Variants in FBLN5 observed in about 807,000 individuals in gnomAD.
The protein encoded by FBLN5 is fibulin 5, also known as fibulin-5.
Under a neutral mutation model 61.6 loss-of-function variants are expected in FBLN5, and 24 were observed. The ratio of observed to expected loss-of-function variants is 0.39; its 90% CI spans 0.28 to 0.55. FBLN5 has a LOEUF of 0.55. FBLN5 is among the 20% of genes least tolerant of loss of function. FBLN5 has a pLI of 0.65. For synonymous variants in FBLN5, 213 were observed against 219.8 expected, an observed-to-expected ratio of 0.97 and a Z score of 0.27; for missense variants, 470 against 594.1, an observed-to-expected ratio of 0.79 and a Z score of 2.17.
At chr14:91,945,087 CGACTG>C (rs1278679474) in intron 1 of FBLN5, among the ~76,000 whole-genome samples, 11 of 151,980 alleles carry the variant, frequency 7.2e-5, no homozygotes, top group Non-Finnish European at 1.6e-4. Flanking sequence ...AAAAATTAGC[CGACTG>C]TGGTGGCAGG....
intron 4 of FBLN5, among the ~76,000 whole-genome samples, chr14:91,896,503 G>A (rs1890232875): frequency 6.6e-6 from 1 of 152,196 alleles, no homozygotes; most frequent in Admixed American, 6.5e-5. Context: ...CTGAGCCTGT[G>A]TTATGTGCCT....
At chr14:91,924,551 A>C (rs2055793895) in intron 4 of FBLN5, among the ~76,000 whole-genome samples, 1 of 152,016 alleles carries the variant, frequency 6.6e-6, no homozygotes, top group South Asian at 2.1e-4. Flanking sequence ...AGCTGGTAGC[A>C]CACACCTGTA....
At chr14:91,925,504 G>C (rs2055812688) in intron 4 of FBLN5, among the ~76,000 whole-genome samples, 1 of 152,220 alleles carries the variant, frequency 6.6e-6, no homozygotes, top group African/African-American at 2.4e-5. Context: ...CTGGGCTCCA[G>C]GGGGTGCCAG....
chr14:91,895,796 T>TC (rs1890199212), intron 4 of FBLN5, among the ~76,000 whole-genome samples: 2 of 32,724 alleles, frequency 6.1e-5, no homozygotes, highest in Admixed American at 4.1e-4. Flanking sequence ...AGACCCTGTC[T>TC]CAAAAAAAAA....
rs775989591 is a variant in FBLN5, at chr14:91,891,332, C to T, written c.508G>A (p.Asp170Asn). Residue 170 changes from aspartate (D) to asparagine (N), a missense_variant, in exon 6 of 11, where the codon GAT becomes AAT. Transcript: ENST00000342058. ...TGGCAGTAACCATAGCGACATTCAT[C>T]AATGTCTGGAAACAGAAATGCAAGC... ...WLLEGQCLDI[D>N]ECRYGYCQQL... 3.1e-6 allele frequency: 5 copies of T among 1,606,492 alleles called. No individual in the cohort carries two copies. The Admixed American group carries it at 8.3e-5, about 27-fold the overall frequency.
intron 4 of FBLN5, among the ~76,000 whole-genome samples, chr14:91,916,494 G>A (rs2140016169): frequency 6.6e-6 from 1 of 152,286 alleles, no homozygotes; most frequent in South Asian, 2.1e-4. Context: ...CATTTCTTCA[G>A]ATGTTCTGTA....
At chr14:91,945,223 C>T (rs997484070) in intron 1 of FBLN5, among the ~76,000 whole-genome samples, 4 of 146,434 alleles carry the variant, frequency 2.7e-5, no homozygotes, top group Non-Finnish European at 4.5e-5. Flanking sequence ...AGCGAGACTC[C>T]GTCTCAAAAA....
rs2056189705 is a variant in FBLN5, at chr14:91,946,689, G to T, written c.17+524C>A. The T allele has an allele frequency of 2.6e-6, 4 of 1,522,500 alleles. No homozygotes were observed. The East Asian group carries it at 9.8e-5, about 37-fold the overall frequency. 94.3% of individuals were successfully genotyped at this position (1,522,500 alleles called of 1,614,324 possible). ...TAACTGTAATTGCAATTTCCTTAAA[G>T]AATAGCAAAACATTTGCTTACATGT... On this transcript the variant is annotated intron_variant, in intron 1 of 10. Transcript: ENST00000342058.
intron 4 of FBLN5, among the ~76,000 whole-genome samples, chr14:91,912,341 A>G (rs1174938752): frequency 6.6e-6 from 1 of 152,142 alleles, no homozygotes; most frequent in African/African-American, 2.4e-5. Context: ...TACAAAAAAT[A>G]AAAAATAGAA....
At chr14:91,870,424 T>C (rs771947550) in intron 10 of FBLN5, 39 bp from the exon 11 acceptor site, 1 of 1,609,606 alleles carries the variant, frequency 6.2e-7, no homozygotes, top group South Asian at 1.1e-5. Context: ...AGAAAAGGCC[T>C]GCATGGTGGC....
intron 6 of FBLN5, among the ~76,000 whole-genome samples, chr14:91,888,030 G>A (rs1290613777): frequency 6.6e-6 from 1 of 152,204 alleles, no homozygotes; most frequent in South Asian, 2.1e-4. Context: ...CAGGCATAGT[G>A]GCTCATGCCT....
chr14:91,876,331 A>G (rs1889160599), intron 10 of FBLN5, among the ~76,000 whole-genome samples: 1 of 152,174 alleles, frequency 6.6e-6, no homozygotes, highest in African/African-American at 2.4e-5. Flanking sequence ...GACCTTTTCA[A>G]TATGGCTCCC....
In FBLN5 at chr14:91,887,071, T is replaced by C. The variant is rs766039168; in HGVS notation, c.739+122A>G. 81 of 1,058,830 alleles carry C rather than the reference T, an allele frequency of 7.6e-5. No homozygotes were observed. The Middle Eastern group carries it at 9.5e-4, about 12-fold the overall frequency. The allele number at this position is 1,058,830 out of a possible 1,614,324, so 65.6% of individuals were successfully genotyped here. A position where few individuals can be genotyped will look rare whatever the true frequency, so the allele number is the denominator to read the frequency against. ...ATTCTGACCCCACTGCCCTGGAGGA[T>C]GTCCCAAACTGGACATGTGTCCAGG... is the stretch of plus-strand genomic sequence containing the variant. On this transcript the variant is annotated intron_variant, in intron 7 of 10. Coordinates refer to ENST00000342058, the MANE Select transcript of FBLN5 (RefSeq NM_006329.4).
At chr14:91,905,580 GC>G (rs1890649250) in intron 4 of FBLN5, among the ~76,000 whole-genome samples, 1 of 87,428 alleles carries the variant, frequency 1.1e-5, no homozygotes. Context: ...AAGAATATGA[GC>G]TTTTTTTTTT....
At chr14:91,911,071 C>T (rs1317849829) in intron 4 of FBLN5, among the ~76,000 whole-genome samples, 1 of 152,064 alleles carries the variant, frequency 6.6e-6, no homozygotes, top group East Asian at 1.9e-4. Flanking sequence ...GCAACCTCCA[C>T]CTCCTGGGTT....
intron 7 of FBLN5, among the ~76,000 whole-genome samples, chr14:91,886,607 C>A (rs145971780): frequency 1.3e-5 from 2 of 152,170 alleles, no homozygotes; most frequent in Non-Finnish European, 2.9e-5. Context: ...CAAATTATTA[C>A]GATTTCATTC....
chr14:91,946,362 C>A (rs1466548084), intron 1 of FBLN5, among the ~76,000 whole-genome samples: 1 of 152,064 alleles, frequency 6.6e-6, no homozygotes, highest in Non-Finnish European at 1.5e-5. Flanking sequence ...TGCTCATAAC[C>A]GGTCCTGGGA....
intron 4 of FBLN5, among the ~76,000 whole-genome samples, chr14:91,906,917 C>A (rs1435915800): frequency 6.6e-6 from 1 of 152,224 alleles, no homozygotes. Context: ...TGTCTGTTTA[C>A]AGTCTAGTTG....
At chr14:91,918,396 G>A (rs1254797337) in intron 4 of FBLN5, among the ~76,000 whole-genome samples, 1 of 152,186 alleles carries the variant, frequency 6.6e-6, no homozygotes, top group Non-Finnish European at 1.5e-5. Flanking sequence ...GAGGGCAGAA[G>A]GTCAGGGGAC....
Sources: allele counts gnomAD v4.1 joint callset (sites outside exome capture counted in the v4.1 genomes callset), GRCh38; gene constraint gnomAD v4.1.1; transcripts MANE v1.5; gene names NCBI Gene and HGNC (gene_info 2026-07-23, HGNC 2026-07-21).